FOXN3: variants seen among roughly 807,000 people sequenced by gnomAD.
FOXN3 encodes forkhead box protein N3.
FOXN3 carries 7 observed loss-of-function variants against 38.4 expected under a neutral mutation model. The observed-to-expected ratio is 0.18, with a 90% confidence interval of 0.10 to 0.34. FOXN3 has a LOEUF of 0.34. Among genes scored for constraint, FOXN3 ranks in the 10% least tolerant of loss-of-function variants. The pLI is 1.00. For synonymous variants in FOXN3, 230 were observed against 242.2 expected (o/e 0.95, Z 0.47); for missense variants, 456 against 613.4 (o/e 0.74, Z 2.71).
rs986288217 is a variant in FOXN3 at position 89,548,170 on chromosome 14, C to T, written c.-15+70858G>A. On this transcript the variant is annotated intron_variant, in intron 1 of 6. Transcript: ENST00000345097. This position sits in a 1 kb window ranked among gnomAD's most constrained non-coding sequence, Gnocchi z 4.8. ...TTTGGGACAAGAAACACCCCATTCACTTAGAGTAAAAATTACCTTTCACTT... is the reference window on the plus strand; with the variant it reads ...TTTGGGACAAGAAACACCCCATTCATTTAGAGTAAAAATTACCTTTCACTT... Among the ~76,000 whole-genome samples, 5 of 152,170 alleles carry T rather than the reference C, an allele frequency of 3.3e-5. No homozygotes were observed. The highest frequency in any genetic ancestry group is 3.3e-4 in the Admixed American group (5 of 15,280).
chr14:89,489,028 G>C (rs992070633), intron 1 of FOXN3, among the ~76,000 whole-genome samples: 2 of 152,122 alleles, frequency 1.3e-5, no homozygotes, highest in Non-Finnish European at 2.9e-5. Flanking sequence ...TTTATTTCCC[G>C]ATGTTGGTAG....
chr14:89,324,571 G>T (rs976522536), intron 3 of FOXN3, among the ~76,000 whole-genome samples: 1 of 151,972 alleles, frequency 6.6e-6, no homozygotes, highest in African/African-American at 2.4e-5. Context: ...TTTGGGGAGA[G>T]AATATAGGAA....
At chr14:89,511,251 C>CTTTCTTTTTCTTTCT (rs1555358091) in intron 1 of FOXN3, among the ~76,000 whole-genome samples, 4 of 13,154 alleles carry the variant, frequency 3.0e-4, no homozygotes, top group African/African-American at 3.6e-4. Context: ...TCTTTCTTTT[C>CTTTCTTTTTCTTTCT]TTTCTTTCTT....
chr14:89,458,560 G>A (rs1395680476), intron 1 of FOXN3, among the ~76,000 whole-genome samples: 5 of 152,180 alleles, frequency 3.3e-5, no homozygotes, highest in African/African-American at 1.2e-4. Flanking sequence ...CTGTATCTCA[G>A]CAGGGAGATA....
At chr14:89,231,775 A>G (rs1454049385) in intron 4 of FOXN3, among the ~76,000 whole-genome samples, 1 of 152,124 alleles carries the variant, frequency 6.6e-6, no homozygotes, top group African/African-American at 2.4e-5. Context: ...ATGCTGGGGC[A>G]CAAGGCAGAC....
intron 3 of FOXN3, among the ~76,000 whole-genome samples, chr14:89,330,014 C>T (rs1397585430): frequency 6.6e-6 from 1 of 152,110 alleles, no homozygotes; most frequent in East Asian, 1.9e-4. Flanking sequence ...CCTGCTCCCC[C>T]GCCATTTGTG....
At chr14:89,489,876 G>A (rs753500923) in intron 1 of FOXN3, among the ~76,000 whole-genome samples, 6 of 152,182 alleles carry the variant, frequency 3.9e-5, no homozygotes, top group Non-Finnish European at 7.3e-5. Context: ...GCACACACAT[G>A]CACGCACATC....
intron 1 of FOXN3, among the ~76,000 whole-genome samples, chr14:89,535,728 C>A (rs749107077): frequency 6.6e-6 from 1 of 152,186 alleles, no homozygotes; most frequent in African/African-American, 2.4e-5. Context: ...TCTTAACAAG[C>A]CTACCCCATT....
chr14:89,450,516 C>T (rs1171016039), intron 1 of FOXN3, among the ~76,000 whole-genome samples: 2 of 151,830 alleles, frequency 1.3e-5, no homozygotes, highest in Admixed American at 6.6e-5. Flanking sequence ...CATCTGCCAA[C>T]GAGGGGCAGG....
At chr14:89,414,874 GA>G (rs1046446256) in intron 1 of FOXN3, among the ~76,000 whole-genome samples, 2 of 152,116 alleles carry the variant, frequency 1.3e-5, no homozygotes, top group African/African-American at 4.8e-5. Context: ...CTTAAGGAGA[GA>G]AAACTTCATG....
chr14:89,241,725 T>C (rs1258667544), intron 4 of FOXN3, among the ~76,000 whole-genome samples: 2 of 152,094 alleles, frequency 1.3e-5, no homozygotes, highest in African/African-American at 2.4e-5. Context: ...CTGCCCTCAG[T>C]GTCAAGGCTC....
intron 4 of FOXN3, among the ~76,000 whole-genome samples, chr14:89,252,206 C>G (rs1885479529): frequency 6.6e-6 from 1 of 152,210 alleles, no homozygotes; most frequent in African/African-American, 2.4e-5. Context: ...GCTAAACTAC[C>G]AGCCAGATCC....
Position 89,157,023 on chromosome 14 carries a change from T to C in FOXN3, c.*5391A>G, listed in dbSNP as rs1886996005. ...AGAATCCAATATGGAATATCAATTATTTTGCAAAAGGTAGAGAAAGCAGTT... is the reference window on the plus strand; with the variant it reads ...AGAATCCAATATGGAATATCAATTACTTTGCAAAAGGTAGAGAAAGCAGTT... On this transcript the variant is annotated 3_prime_UTR_variant, in exon 6 of 6. Transcript: ENST00000557258. 1 of 152,698 alleles carries C rather than the reference T, an allele frequency of 6.5e-6. No individual in the cohort carries two copies. Among genetic ancestry groups the C allele is most frequent in the Non-Finnish European group, 1.5e-5 (1 of 68,052 alleles). 9.5% of individuals were successfully genotyped at this position (152,698 alleles called of 1,614,324 possible).
At chr14:89,602,681 A>G (rs1314780557) in intron 1 of FOXN3, among the ~76,000 whole-genome samples, 3 of 151,818 alleles carry the variant, frequency 2.0e-5, no homozygotes, top group African/African-American at 7.3e-5. Flanking sequence ...TATTTTTAGT[A>G]GAGACGGGGT....
chr14:89,206,657 T>C (rs904652747), intron 4 of FOXN3, among the ~76,000 whole-genome samples: 2 of 152,126 alleles, frequency 1.3e-5, no homozygotes, highest in African/African-American at 2.4e-5. Flanking sequence ...ATGAAAACCA[T>C]ATTTCATCTT....
chr14:89,467,805 T>C (rs12897039), intron 1 of FOXN3, among the ~76,000 whole-genome samples: 12 of 25,976 alleles, frequency 4.6e-4, no homozygotes, highest in African/African-American at 1.1e-3. Flanking sequence ...TCTTTCTTTG[T>C]TTTTTTTTTT....
At chr14:89,506,326 G>A (rs1260366469) in intron 1 of FOXN3, among the ~76,000 whole-genome samples, 8 of 91,718 alleles carry the variant, frequency 8.7e-5, no homozygotes, top group Non-Finnish European at 1.7e-4. Flanking sequence ...GAGGGAGGTG[G>A]GGGGGTCAGC....
intron 3 of FOXN3, chr14:89,284,561 C>T: frequency 2.2e-6 from 1 of 456,066 alleles, no homozygotes. Flanking sequence ...TGCTAGGACT[C>T]TCTCCAAGGC....
chr14:89,566,938 T>C (rs17126048), intron 1 of FOXN3, among the ~76,000 whole-genome samples: 33,589 of 151,304 alleles, frequency 0.22, 4,611 homozygotes, highest in East Asian at 0.48. Flanking sequence ...TTGCCTTTTT[T>C]CCTCTAAGGT....
Sources: allele counts gnomAD v4.1 joint callset (sites outside exome capture counted in the v4.1 genomes callset), GRCh38; gene constraint gnomAD v4.1.1; non-coding constraint Gnocchi (gnomAD v3.1); transcripts MANE v1.5; gene names NCBI Gene and HGNC (gene_info 2026-07-23, HGNC 2026-07-21).